The following AKT3 variants were observed in gnomAD, a reference collection of about 807,000 sequenced individuals.
AKT3 encodes AKT serine/threonine kinase 3.
AKT3 carries 15 observed loss-of-function variants against 65.3 expected under a neutral mutation model. The ratio of observed to expected loss-of-function variants is 0.23; its 90% CI spans 0.15 to 0.35. The LOEUF (loss-of-function observed/expected upper bound fraction) is 0.35, where lower values mean the gene tolerates loss of function less well. Among genes scored for constraint, AKT3 ranks in the 10% least tolerant of loss-of-function variants. AKT3 has a pLI of 1.00. For missense variants in AKT3, 243 were observed against 576.5 expected, an observed-to-expected ratio of 0.42 and a Z score of 5.92; for synonymous variants, 206 against 183.8, an observed-to-expected ratio of 1.12 and a Z score of -0.98.
rs369512939 is a variant in AKT3, at chr1:243,795,475, G to GTTTT, written c.46+47649_46+47650insAAAA. Among the ~76,000 whole-genome samples, 8 of 88,000 alleles carry GTTTT rather than the reference G, an allele frequency of 9.1e-5. 1 individual carries two copies. The highest frequency in any genetic ancestry group is 2.5e-4 in the Admixed American group (2 of 7,870). The allele number at this position is 88,000 out of a possible 152,430, so 57.7% of individuals were successfully genotyped here. ...TTTTTTTTTTTTGTTTTTTTTTTTT[G>GTTTT]GTTTTTTTTTTTTTGAGACGGAGTC... On this transcript the variant is annotated intron_variant, in intron 2 of 13. Coordinates refer to ENST00000673466, the MANE Select transcript of AKT3 (RefSeq NM_005465.7).
At chr1:243,564,885 C>T (rs1174813707) in intron 9 of AKT3, among the ~76,000 whole-genome samples, 1 of 152,106 alleles carries the variant, frequency 6.6e-6, no homozygotes, top group Non-Finnish European at 1.5e-5. Flanking sequence ...AATGTGATGA[C>T]ATTTGAAAGA....
At chr1:243,789,906 G>A (rs1039674389) in intron 2 of AKT3, among the ~76,000 whole-genome samples, 2 of 152,200 alleles carry the variant, frequency 1.3e-5, no homozygotes, top group African/African-American at 4.8e-5. Context: ...CACTGTCAAT[G>A]AGCAGTAATA....
At chr1:243,509,661 G>C (rs1669899068) in intron 13 of AKT3, among the ~76,000 whole-genome samples, 1 of 152,048 alleles carries the variant, frequency 6.6e-6, no homozygotes, top group African/African-American at 2.4e-5. Context: ...TTGCTGCGTT[G>C]GGCCTATCAT....
chr1:243,609,245 G>A (rs1677678361), intron 8 of AKT3, among the ~76,000 whole-genome samples: 1 of 149,354 alleles, frequency 6.7e-6, no homozygotes, highest in Non-Finnish European at 1.5e-5. Flanking sequence ...AAATACATCT[G>A]ATAATCTAAA....
intron 8 of AKT3, among the ~76,000 whole-genome samples, chr1:243,591,500 T>C (rs1379378182): frequency 6.6e-6 from 1 of 152,142 alleles, no homozygotes; most frequent in African/African-American, 2.4e-5. Flanking sequence ...AAATTCAATG[T>C]CTGGCATCCA....
intron 2 of AKT3, among the ~76,000 whole-genome samples, chr1:243,790,698 T>C (rs997515415): frequency 1.3e-5 from 2 of 152,348 alleles, no homozygotes; most frequent in South Asian, 2.1e-4. Context: ...TTCCTCACTA[T>C]GCTTCATCAT....
intron 2 of AKT3, among the ~76,000 whole-genome samples, chr1:243,786,888 T>C (rs989044177): frequency 6.6e-6 from 1 of 151,836 alleles, no homozygotes; most frequent in Admixed American, 6.6e-5. Flanking sequence ...ACTGACATGC[T>C]AAAAAAGCTG....
chr1:243,832,298 C>T (rs944054789), intron 2 of AKT3, among the ~76,000 whole-genome samples: 1 of 152,040 alleles, frequency 6.6e-6, no homozygotes, highest in Non-Finnish European at 1.5e-5. Flanking sequence ...TTGTAGTACT[C>T]ATAATTTCTG....
chr1:243,497,025 CAGA>C (rs1400734978), downstream of AKT3, among the ~76,000 whole-genome samples: 5 of 152,162 alleles, frequency 3.3e-5, no homozygotes, highest in South Asian at 2.1e-4. Context: ...AATGGAAGGG[CAGA>C]AGGACGGGAG....
At chr1:243,642,590 T>C (rs1381080859) in intron 5 of AKT3, among the ~76,000 whole-genome samples, 7 of 152,250 alleles carry the variant, frequency 4.6e-5, no homozygotes, top group South Asian at 4.1e-4. Flanking sequence ...ATTACAGGCG[T>C]GAGCCACCAC....
chr1:243,696,690 T>A (rs1466526119), intron 2 of AKT3, among the ~76,000 whole-genome samples: 2 of 151,964 alleles, frequency 1.3e-5, no homozygotes, highest in African/African-American at 4.8e-5. Flanking sequence ...CATCTGAAGG[T>A]TCCCCTCCTT....
At chr1:243,515,676 G>A (rs945545242) in intron 12 of AKT3, among the ~76,000 whole-genome samples, 2 of 152,124 alleles carry the variant, frequency 1.3e-5, no homozygotes, top group Non-Finnish European at 2.9e-5. Context: ...TAAGAATATT[G>A]GTCTATAGCA....
At chr1:243,850,913 GCTC>G (rs2148494189), upstream of AKT3, 1 of 152,200 alleles carries the variant, frequency 6.6e-6, no homozygotes, top group South Asian at 2.1e-4. Context: ...GGGAGCGGAG[GCTC>G]CTCGCCCAGC....
intron 2 of AKT3, among the ~76,000 whole-genome samples, chr1:243,790,284 A>C (rs551714189): frequency 6.6e-6 from 1 of 152,334 alleles, no homozygotes; most frequent in South Asian, 2.1e-4. Flanking sequence ...TTCATCAATG[A>C]TCTTCGCTAG....
chr1:243,585,379 G>GA (rs113327268), intron 8 of AKT3, among the ~76,000 whole-genome samples: 92 of 146,066 alleles, frequency 6.3e-4, no homozygotes, highest in East Asian at 1.6e-3. Flanking sequence ...CACAGAACTG[G>GA]AAAAAAAAAA....
intron 2 of AKT3, among the ~76,000 whole-genome samples, chr1:243,748,212 T>C (rs750277693): frequency 6.6e-6 from 1 of 152,180 alleles, no homozygotes; most frequent in African/African-American, 2.4e-5. Context: ...CCAAAATTGT[T>C]CAGAGTTTTG....
intron 4 of AKT3, among the ~76,000 whole-genome samples, 165 bp from the exon 5 acceptor site, chr1:243,646,202 C>T (rs1311465414): frequency 2.0e-5 from 3 of 152,062 alleles, no homozygotes; most frequent in Admixed American, 6.6e-5. Flanking sequence ...TGAAAATAAT[C>T]CTAAGAGCAT....
chr1:243,813,458 T>C (rs1241848942), intron 2 of AKT3, among the ~76,000 whole-genome samples: 1 of 149,394 alleles, frequency 6.7e-6, no homozygotes, highest in Non-Finnish European at 1.5e-5. Flanking sequence ...TGTAACCAAA[T>C]ACCACCTGTT....
chr1:243,612,484 A>T (rs897633803), intron 8 of AKT3: 36 of 152,566 alleles, frequency 2.4e-4, no homozygotes, highest in African/African-American at 8.7e-4. Context: ...AAAATTCCAT[A>T]AAGGATATTT....
Sources: gnomAD v4.1 joint callset for allele counts (sites outside exome capture counted in the v4.1 genomes callset) on GRCh38, gnomAD v4.1.1 for gene constraint, MANE v1.5 for transcripts, NCBI Gene and HGNC (gene_info 2026-07-23, HGNC 2026-07-21) for gene names.